The following DNAH5 variants were observed in gnomAD, a reference collection of about 807,000 sequenced individuals.
The protein encoded by DNAH5 is dynein axonemal heavy chain 5.
DNAH5 carries 372 observed loss-of-function variants against 518.2 expected under a neutral mutation model. That is an observed-to-expected ratio of 0.72 (90% CI 0.66 to 0.78). DNAH5 has a LOEUF of 0.78. Among genes scored for constraint, DNAH5 ranks in the 30% least tolerant of loss-of-function variants. The pLI is 0.00. For synonymous variants in DNAH5, 2,039 were observed against 2,025.9 expected (o/e 1.01, Z -0.17); for missense variants, 5,523 against 5,687.0 (o/e 0.97, Z 0.93).
intron 47 of DNAH5, among the ~76,000 whole-genome samples, chr5:13,795,549 C>G (rs1757694340): frequency 6.6e-6 from 1 of 152,294 alleles, no homozygotes; most frequent in South Asian, 2.1e-4. Flanking sequence ...GCAATTGAGG[C>G]AATAATTAAT....
At chr5:13,871,207 C>T (rs1770054220) in intron 23 of DNAH5, among the ~76,000 whole-genome samples, 1 of 152,138 alleles carries the variant, frequency 6.6e-6, no homozygotes, top group Non-Finnish European at 1.5e-5. Context: ...CAACTCAACA[C>T]ACATTTCAAA....
At chr5:13,947,491 C>A (rs748735755), upstream of DNAH5, among the ~76,000 whole-genome samples, 1 of 152,182 alleles carries the variant, frequency 6.6e-6, no homozygotes, top group Non-Finnish European at 1.5e-5. Flanking sequence ...TCTCCTAGAT[C>A]CTCATAGGCA....
At chr5:13,979,297 G>T (rs566372272) in intron 1 of DNAH5, among the ~76,000 whole-genome samples, 3 of 152,092 alleles carry the variant, frequency 2.0e-5, no homozygotes, top group African/African-American at 7.2e-5. Flanking sequence ...CACCATACAC[G>T]CTTGAGGCTC....
At chr5:13,878,187 T>G (rs1297845796) in intron 21 of DNAH5, among the ~76,000 whole-genome samples, 1 of 152,156 alleles carries the variant, frequency 6.6e-6, no homozygotes, top group Non-Finnish European at 1.5e-5. Context: ...AAGGGGTTAA[T>G]GCTATGCACT....
Position 13,883,005 on chromosome 5 carries a change from G to A in DNAH5, c.3073C>T (p.Pro1025Ser). The change falls in exon 20 of 79, where the codon CCT becomes TCT. Residue 1025 changes from proline (P) to serine (S), a missense_variant. Pro to Ser is a moderately conservative substitution (Grantham distance 74). Coordinates refer to ENST00000265104, the MANE Select transcript of DNAH5 (RefSeq NM_001369.3). ...TLAIPNIVMA[P>S]ALEDVQQTLN... ...GTCTGCTGTACATCTTCCAGGGCAG[G>A]GGCCATGACGATGTTGGGAATGGCC... 6.2e-7 allele frequency: 1 copy of A among 1,614,132 alleles called. No homozygotes were observed. Among genetic ancestry groups the A allele is most frequent in the Non-Finnish European group, 8.5e-7 (1 of 1,180,012 alleles).
At position 13,851,268 on chromosome 5, in the gene DNAH5, T is replaced by A. The variant is rs892434257; in HGVS notation, c.4951-453A>T. Among the ~76,000 whole-genome samples the A allele has an allele frequency of 2.6e-5, 4 of 152,198 alleles. No homozygotes were observed. In the East Asian group the frequency reaches 7.7e-4, roughly 29 times the overall value. On this transcript the variant is annotated intron_variant, in intron 30 of 78. Coordinates refer to ENST00000265104, the MANE Select transcript of DNAH5 (RefSeq NM_001369.3). ...ACTGGAATATTGTAAAAAAATTTAATGGAAAATGCACAGATTATCTTGAGA... is the reference window on the plus strand; with the variant it reads ...ACTGGAATATTGTAAAAAAATTTAAAGGAAAATGCACAGATTATCTTGAGA...
At chr5:13,738,659 T>A (rs1579988437) in intron 65 of DNAH5, among the ~76,000 whole-genome samples, 1 of 151,882 alleles carries the variant, frequency 6.6e-6, no homozygotes, top group Admixed American at 6.6e-5. Flanking sequence ...ATGGAGGTGG[T>A]GGCAGGGGTG....
Position 13,867,890 on chromosome 5 carries a change from C to T in DNAH5, c.3937G>A (p.Ala1313Thr), listed in dbSNP as rs1329287107. The T allele has an allele frequency of 6.2e-7, 1 of 1,614,078 alleles. No homozygotes were observed. The highest frequency in any genetic ancestry group is 1.1e-5 in the South Asian group (1 of 91,082). ...HYAWEKLLARAGEVQNKLVSL... is the reference protein window; with the variant it reads ...HYAWEKLLARTGEVQNKLVSL... ...ACTAATTTATTCTGGACTTCGCCAGCACGTGCCAGCAGCTTCTCCCAAGCA... is the reference window on the plus strand; with the variant it reads ...ACTAATTTATTCTGGACTTCGCCAGTACGTGCCAGCAGCTTCTCCCAAGCA... Residue 1313 changes from alanine to threonine, a missense_variant, in exon 25 of 79, where the codon GCT becomes ACT. Ala to Thr is a moderately conservative substitution (Grantham distance 58). Coordinates refer to ENST00000265104, the MANE Select transcript of DNAH5 (RefSeq NM_001369.3).
chr5:13,841,206 C>G, intron 33 of DNAH5, 76 bp from the exon 34 acceptor site: 1 of 1,166,726 alleles, frequency 8.6e-7, no homozygotes, highest in Non-Finnish European at 1.3e-6. Context: ...ATGTGATCAA[C>G]AGCTGTGATT....
Position 13,737,477 on chromosome 5 carries a change from T to A in DNAH5, c.11230A>T (p.Thr3744Ser), listed in dbSNP as rs1335757246. The A allele has an allele frequency of 1.9e-6, 3 of 1,613,920 alleles. No individual in the cohort carries two copies. In the South Asian group the frequency reaches 3.3e-5, roughly 18 times the overall value. The change falls in exon 66 of 79, where the codon ACT becomes TCT. Residue 3744 changes from threonine (T) to serine (S), a missense_variant. Physicochemically the swap from Thr to Ser is moderately conservative, Grantham distance 58. Transcript: ENST00000265104. ...TEKQELEKERTHLMEDVTANK... is the reference protein window; with the variant it reads ...TEKQELEKERSHLMEDVTANK... ...GCAGTTACATCTTCCATCAGATGAG[T>A]TCTTTCTTTCTCCAATTCCTATTAA...
In DNAH5 at chr5:13,792,024, G is replaced by A. The variant is rs769684045; in HGVS notation, c.8418C>T (p.Asn2806=). Residue 2806 remains asparagine, a synonymous_variant, in exon 50 of 79, where the codon AAC becomes AAT. Coordinates refer to ENST00000265104, the MANE Select transcript of DNAH5 (RefSeq NM_001369.3). Reference sequence around the variant, plus strand: ...GTTCCTTGATGACCTCTGAAGTAGTGTTCAGCATTCCCTGCCAGACCCGAG... The same window carrying A: ...GTTCCTTGATGACCTCTGAAGTAGTATTCAGCATTCCCTGCCAGACCCGAG... ...DLSRVWQGML[N]TTSEVIKEPN... 2 of 1,613,826 alleles carry A rather than the reference G, an allele frequency of 1.2e-6. No individual in the cohort carries two copies. The highest frequency in any genetic ancestry group is 1.7e-6 in the Non-Finnish European group (2 of 1,179,950).
rs113914833 is a variant in DNAH5 at position 13,716,490 on chromosome 5, G to C, written c.12906C>G (p.Ile4302Met). 3.7e-6 allele frequency: 6 copies of C among 1,612,550 alleles called. No homozygotes were observed. Among genetic ancestry groups the C allele is most frequent in the Middle Eastern group, 1.7e-4 (1 of 5,942 alleles). The change falls in exon 74 of 79, where the codon ATC becomes ATG. Residue 4302 changes from isoleucine to methionine, a missense_variant. By Grantham distance (10) the Ile-to-Met change is conservative. Transcript: ENST00000265104. ...CSTVDNYLQY[I>M]QSLPAYDSPE... is the part of the protein sequence containing the mutation. ...TAAAATTCTGAAGTTGACAAACCTG[G>C]ATATACTGAAGATAGTTATCCACTG...
At chr5:13,784,879 T>C (rs1349483196) in intron 52 of DNAH5, among the ~76,000 whole-genome samples, 1 of 152,106 alleles carries the variant, frequency 6.6e-6, no homozygotes, top group African/African-American at 2.4e-5. Context: ...CCTTTGAGGA[T>C]CAACTGTCCT....
intron 70 of DNAH5, among the ~76,000 whole-genome samples, chr5:13,722,840 A>G (rs1231128402): frequency 6.6e-6 from 1 of 152,214 alleles, no homozygotes; most frequent in Non-Finnish European, 1.5e-5. Context: ...GAGGCATGCC[A>G]ACTTTGTAGA....
At position 13,830,068 on chromosome 5, in the gene DNAH5, A is replaced by G; in HGVS notation, c.6207T>C (p.Asp2069=). 1 of 1,614,106 alleles carries G rather than the reference A, an allele frequency of 6.2e-7. No individual in the cohort carries two copies. The highest frequency in any genetic ancestry group is 8.5e-7 in the Non-Finnish European group (1 of 1,179,994). Residue 2069 remains aspartate (D), a synonymous_variant, in exon 37 of 79, where the codon GAT becomes GAC. Transcript: ENST00000265104. ...HKKSFIFTDG[D]NVTMNPEFGL... ...CAAATTCAGGGTTCATAGTCACATT[A>G]TCTCCATCAGTAAAGATAAAAGACT...
In DNAH5 at chr5:13,882,783, C is replaced by A. The variant is rs1428494286; in HGVS notation, c.3207G>T (p.Leu1069Phe). 6.2e-7 allele frequency: 1 copy of A among 1,614,122 alleles called. No individual in the cohort carries two copies. The highest frequency in any genetic ancestry group is 1.1e-5 in the South Asian group (1 of 91,082). The change falls in exon 21 of 79, where the codon TTG (leucine) becomes TTT (phenylalanine). Residue 1069 changes from leucine (L) to phenylalanine (F), a missense_variant. Leu to Phe is a conservative substitution (Grantham distance 22, BLOSUM62 0). Transcript: ENST00000265104. The part of the protein sequence containing the change: ...KKIQERKMAA[L>F]QSNEDSDSDV... Reference sequence around the variant, plus strand: ...CAGAATCACTGTCTTCATTACTCTGCAAAGCAGCCATTTTTCTTTCTTGTA... The same window carrying A: ...CAGAATCACTGTCTTCATTACTCTGAAAAGCAGCCATTTTTCTTTCTTGTA...
rs1279026358 is a variant in DNAH5, at chr5:13,883,104, C to T, written c.2984-10G>A. On this transcript the variant is annotated splice_polypyrimidine_tract_variant and intron_variant, in intron 19 of 78. Coordinates refer to ENST00000265104, the MANE Select transcript of DNAH5 (RefSeq NM_001369.3). ...GAGGCACTGTTACTGTCTGAGTTAA[C>T]CCAAAACAAGGAAGAATTCACATTT... 6.2e-7 allele frequency: 1 copy of T among 1,613,120 alleles called. No homozygotes were observed. Among genetic ancestry groups the T allele is most frequent in the Non-Finnish European group, 8.5e-7 (1 of 1,179,944 alleles).
chr5:13,831,711 G>A (rs1318337542), intron 35 of DNAH5, among the ~76,000 whole-genome samples: 2 of 152,162 alleles, frequency 1.3e-5, no homozygotes, highest in South Asian at 4.1e-4. Flanking sequence ...CATGAAATCA[G>A]GAGAATGCCT....
intron 74 of DNAH5, among the ~76,000 whole-genome samples, chr5:13,714,898 G>A (rs1744086985): frequency 6.6e-6 from 1 of 152,196 alleles, no homozygotes; most frequent in Non-Finnish European, 1.5e-5. Context: ...AAATATGTGA[G>A]ATAGAAAGGG....
Sources: gnomAD v4.1 joint callset for allele counts (sites outside exome capture counted in the v4.1 genomes callset) on GRCh38, gnomAD v4.1.1 for gene constraint, MANE v1.5 for transcripts, NCBI Gene and HGNC (gene_info 2026-07-23, HGNC 2026-07-21) for gene names.